The following GRIA4 variants were observed in gnomAD, a reference collection of about 807,000 sequenced individuals.
GRIA4 encodes glutamate ionotropic receptor AMPA type subunit 4, also known as glutamate receptor 4.
In GRIA4, 34 loss-of-function variants were observed where a neutral mutation model predicts 104.0. The ratio of observed to expected loss-of-function variants is 0.33; its 90% CI spans 0.25 to 0.44. GRIA4 has a LOEUF of 0.44. Ranked by LOEUF, GRIA4 falls within the 20% of genes least tolerant of loss-of-function variation. The pLI is 1.00. For missense variants in GRIA4, 750 were observed against 1,096.5 expected, an observed-to-expected ratio of 0.68 and a Z score of 4.46; for synonymous variants, 386 against 381.9, an observed-to-expected ratio of 1.01 and a Z score of -0.13.
chr11:105,801,263 A>G (rs1942709105), intron 4 of GRIA4, among the ~76,000 whole-genome samples: 1 of 151,690 alleles, frequency 6.6e-6, no homozygotes. Context: ...CAATTTAAGT[A>G]TGTGTGAAAA....
chr11:105,786,304 T>A (rs867438900), intron 4 of GRIA4, among the ~76,000 whole-genome samples: 1 of 152,200 alleles, frequency 6.6e-6, no homozygotes. Flanking sequence ...CAAGTCATAA[T>A]GAAAGTGCGG....
intron 3 of GRIA4, among the ~76,000 whole-genome samples, chr11:105,751,209 T>C (rs770907247): frequency 2.6e-4 from 39 of 152,128 alleles, no homozygotes; most frequent in Non-Finnish European, 8.8e-5. Context: ...TTATTTATCA[T>C]GTAAAGCTTG....
At chr11:105,978,836 C>A (rs750842810) in intron 16 of GRIA4, among the ~76,000 whole-genome samples, 3 of 152,158 alleles carry the variant, frequency 2.0e-5, no homozygotes, top group Non-Finnish European at 4.4e-5. Context: ...ATGTTATCTG[C>A]TATGTAATGT....
rs1945122390 is a variant in GRIA4, at chr11:105,859,039, A to T, written c.488-2985A>T. ...AATTTTCTAATACCTAGGAGATGCA[A>T]ATCATAGCCAGATGTGGAAATAGTA... On this transcript the variant is annotated intron_variant, in intron 4 of 16. Transcript: ENST00000282499. Among the ~76,000 whole-genome samples the T allele has an allele frequency of 1.3e-5, 2 of 152,156 alleles. 1 individual carries two copies. Among genetic ancestry groups the T allele is most frequent in the Admixed American group, 1.3e-4 (2 of 15,246 alleles).
chr11:105,815,903 T>G (rs1943357341), intron 4 of GRIA4, among the ~76,000 whole-genome samples: 1 of 152,200 alleles, frequency 6.6e-6, no homozygotes, highest in Admixed American at 6.5e-5. Flanking sequence ...TATCCATTTA[T>G]TCAGGCAGTA....
intron 4 of GRIA4, among the ~76,000 whole-genome samples, chr11:105,859,523 A>G (rs1945140058): frequency 6.6e-6 from 1 of 152,202 alleles, no homozygotes; most frequent in African/African-American, 2.4e-5. Context: ...ATATCTATAA[A>G]TTTCATCAGA....
At chr11:105,945,600 AT>A (rs1175541711) in intron 14 of GRIA4, 1 of 217,226 alleles carries the variant, frequency 4.6e-6, no homozygotes, top group Non-Finnish European at 7.8e-6. Context: ...ATACATTTAT[AT>A]TTTTTAACCC....
intron 4 of GRIA4, among the ~76,000 whole-genome samples, chr11:105,857,581 A>T (rs1344646536): frequency 6.6e-6 from 1 of 151,954 alleles, no homozygotes; most frequent in Non-Finnish European, 1.5e-5. Context: ...CCTTCATCTT[A>T]TTACTTCATT....
intron 10 of GRIA4, among the ~76,000 whole-genome samples, chr11:105,915,657 T>C (rs779803559): frequency 6.6e-6 from 1 of 152,210 alleles, no homozygotes; most frequent in Non-Finnish European, 1.5e-5. Context: ...CTACACTGTT[T>C]ACATAGAAGA....
Position 105,974,362 on chromosome 11 carries a change from T to C in GRIA4, c.2462T>C (p.Leu821Pro). 6.2e-7 allele frequency: 1 copy of C among 1,613,980 alleles called. No homozygotes were observed. Among genetic ancestry groups the C allele is most frequent in the Non-Finnish European group, 8.5e-7 (1 of 1,179,862 alleles). Reference protein sequence around the residue: ...LSNVAGVFYILVGGLGLAMLV... With the variant: ...LSNVAGVFYIPVGGLGLAMLV... ...AATGTAGCAGGCGTCTTCTACATTCTGGTTGGCGGCTTGGGCTTGGCAATG... is the reference window on the plus strand; with the variant it reads ...AATGTAGCAGGCGTCTTCTACATTCCGGTTGGCGGCTTGGGCTTGGCAATG... The change falls in exon 16 of 17, where the codon CTG (leucine) becomes CCG (proline). Residue 821 changes from leucine to proline, a missense_variant. Coordinates refer to ENST00000282499, the MANE Select transcript of GRIA4 (RefSeq NM_000829.4).
chr11:105,695,753 C>T (rs1953255126), intron 3 of GRIA4, among the ~76,000 whole-genome samples: 1 of 152,050 alleles, frequency 6.6e-6, no homozygotes, highest in Non-Finnish European at 1.5e-5. Flanking sequence ...AATTTAGTTG[C>T]TATTTTTTTA....
chr11:105,863,118 C>A (rs553996458), intron 5 of GRIA4, among the ~76,000 whole-genome samples: 33 of 152,120 alleles, frequency 2.2e-4, no homozygotes, highest in African/African-American at 7.7e-4. Context: ...GTAAACTTGC[C>A]AATTTGGAGG....
intron 6 of GRIA4, among the ~76,000 whole-genome samples, chr11:105,895,140 A>C (rs1412300052): frequency 3.9e-5 from 6 of 152,130 alleles, no homozygotes; most frequent in Middle Eastern, 6.8e-3. Context: ...TAAACAAAAC[A>C]CTCTCCTTCA....
intron 3 of GRIA4, among the ~76,000 whole-genome samples, chr11:105,719,976 C>T (rs927861404): frequency 6.6e-5 from 10 of 152,006 alleles, no homozygotes; most frequent in Admixed American, 6.6e-4. Flanking sequence ...GATCCCTCAG[C>T]AGTAGTACTA....
intron 14 of GRIA4, among the ~76,000 whole-genome samples, chr11:105,959,903 C>T (rs1443885437): frequency 6.6e-6 from 1 of 152,180 alleles, no homozygotes; most frequent in Non-Finnish European, 1.5e-5. Flanking sequence ...TGGAGATTTA[C>T]TTTAGGCCCT....
intron 4 of GRIA4, among the ~76,000 whole-genome samples, chr11:105,803,577 A>C (rs1214322645): frequency 6.6e-6 from 1 of 151,974 alleles, no homozygotes; most frequent in African/African-American, 2.4e-5. Flanking sequence ...AACTGAAGTA[A>C]TTAAATCAAT....
At chr11:105,860,836 G>A (rs1478329337) in intron 4 of GRIA4, among the ~76,000 whole-genome samples, 1 of 151,696 alleles carries the variant, frequency 6.6e-6, no homozygotes, top group Non-Finnish European at 1.5e-5. Flanking sequence ...GCACGCACCT[G>A]TAGTCCCAGC....
intron 6 of GRIA4, among the ~76,000 whole-genome samples, chr11:105,895,963 T>C (rs550102685): frequency 9.8e-4 from 150 of 152,362 alleles, no homozygotes; most frequent in Non-Finnish European, 1.6e-3. Context: ...CTAGGTCAAA[T>C]GGTAGTTCTA....
chr11:105,714,233 A>T (rs1954012222), intron 3 of GRIA4, among the ~76,000 whole-genome samples: 1 of 141,068 alleles, frequency 7.1e-6, no homozygotes, highest in African/African-American at 2.7e-5. Flanking sequence ...ATTAACCAGA[A>T]ATATTTTAAA....
Sources: gnomAD v4.1 joint callset for allele counts (sites outside exome capture counted in the v4.1 genomes callset) on GRCh38, gnomAD v4.1.1 for gene constraint, MANE v1.5 for transcripts, NCBI Gene and HGNC (gene_info 2026-07-23, HGNC 2026-07-21) for gene names.